Variants in NELL2 observed in about 807,000 individuals in gnomAD.
NELL2 encodes neural EGFL like 2.
Under a neutral mutation model 109.6 loss-of-function variants are expected in NELL2, and 41 were observed. That is an observed-to-expected ratio of 0.37 (90% CI 0.29 to 0.49). The LOEUF is 0.49. NELL2 is among the 20% of genes least tolerant of loss of function. NELL2 has a pLI of 0.98. For synonymous variants in NELL2, 355 were observed against 344.7 expected, an observed-to-expected ratio of 1.03 and a Z score of -0.33; for missense variants, 900 against 1,008.3, an observed-to-expected ratio of 0.89 and a Z score of 1.45.
chr12:44,570,667 C>T (rs1318307240), intron 15 of NELL2, among the ~76,000 whole-genome samples: 41 of 152,200 alleles, frequency 2.7e-4, no homozygotes, highest in Non-Finnish European at 5.9e-5. Flanking sequence ...GGCTCAAAGA[C>T]TTATATCCTG....
intron 2 of NELL2, among the ~76,000 whole-genome samples, chr12:44,822,973 A>G (rs1943593314): frequency 6.6e-6 from 1 of 152,108 alleles, no homozygotes. Context: ...AGAGAGAGAG[A>G]AAGAATCTGA....
intron 9 of NELL2, among the ~76,000 whole-genome samples, chr12:44,744,958 C>G (rs1940239910): frequency 6.6e-6 from 1 of 152,160 alleles, no homozygotes; most frequent in Non-Finnish European, 1.5e-5. Flanking sequence ...TTTTATGAGG[C>G]CAGCATCATC....
intron 2 of NELL2, 92 bp from the exon 3 acceptor site, chr12:44,816,228 G>A (rs1326613930): frequency 9.0e-7 from 1 of 1,110,398 alleles, no homozygotes; most frequent in African/African-American, 1.6e-5. Flanking sequence ...ACTTTATCAA[G>A]TTTATCAGTA....
At chr12:44,704,003 T>C (rs559685111) in intron 11 of NELL2, 149 bp from the exon 12 acceptor site, 13 of 639,008 alleles carry the variant, frequency 2.0e-5, no homozygotes, top group East Asian at 5.9e-5. Flanking sequence ...AAGAATCACA[T>C]GCTATGAGTA....
chr12:44,794,519 T>C (rs938286070), intron 3 of NELL2, among the ~76,000 whole-genome samples: 3 of 152,110 alleles, frequency 2.0e-5, no homozygotes, highest in Non-Finnish European at 2.9e-5. Flanking sequence ...CGGTCAGTTA[T>C]GCTAAGGTCA....
At chr12:44,802,605 ATT>A (rs1942868595) in intron 3 of NELL2, among the ~76,000 whole-genome samples, 2 of 152,096 alleles carry the variant, frequency 1.3e-5, no homozygotes, top group African/African-American at 4.8e-5. Flanking sequence ...AGTATACCTA[ATT>A]ACATTTCAGT....
chr12:44,791,082 C>CAT (rs55697809), intron 3 of NELL2, among the ~76,000 whole-genome samples: 10,219 of 51,928 alleles, frequency 0.2, 1,752 homozygotes, highest in East Asian at 0.48. Context: ...TATATATATA[C>CAT]ATATATATAT....
chr12:44,900,569 A>G (rs751456374), intron 1 of NELL2, among the ~76,000 whole-genome samples: 2 of 152,210 alleles, frequency 1.3e-5, no homozygotes, highest in Non-Finnish European at 2.9e-5. Flanking sequence ...ACCAACGAGA[A>G]TGAAGACACA....
upstream of NELL2, among the ~76,000 whole-genome samples, chr12:44,880,170 T>G: frequency 6.7e-6 from 1 of 150,148 alleles, no homozygotes; most frequent in Admixed American, 6.6e-5. Context: ...AACAGAGAAT[T>G]AGTATCTCAT....
chr12:44,523,056 T>C, intron 17 of NELL2: 1 of 537,266 alleles, frequency 1.9e-6, no homozygotes, highest in Non-Finnish European at 3.3e-6. Flanking sequence ...CTCTAGAAAA[T>C]ACAAATTTAA....
chr12:44,762,869 A>C (rs935925555), intron 9 of NELL2, among the ~76,000 whole-genome samples: 1 of 152,226 alleles, frequency 6.6e-6, no homozygotes, highest in African/African-American at 2.4e-5. Context: ...CTTGACCATT[A>C]CATGATTACA....
intron 8 of NELL2, among the ~76,000 whole-genome samples, chr12:44,775,629 C>T (rs1941728374): frequency 6.6e-6 from 1 of 152,060 alleles, no homozygotes; most frequent in Non-Finnish European, 1.5e-5. Context: ...GCTTATATTG[C>T]TCAATCTGGA....
chr12:44,853,802 T>A (rs1169608152), intron 2 of NELL2, among the ~76,000 whole-genome samples: 1 of 152,188 alleles, frequency 6.6e-6, no homozygotes, highest in Non-Finnish European at 1.5e-5. Flanking sequence ...TTTTATAGTA[T>A]AATTAGCAAT....
chr12:44,579,631 C>T (rs1299304169), intron 15 of NELL2, among the ~76,000 whole-genome samples: 9 of 152,092 alleles, frequency 5.9e-5, no homozygotes, highest in Admixed American at 5.9e-4. Flanking sequence ...AGAAGAATGC[C>T]TACTAAATAT....
chr12:44,816,630 T>G (rs747619003), intron 2 of NELL2, among the ~76,000 whole-genome samples: 2 of 152,226 alleles, frequency 1.3e-5, no homozygotes, highest in Non-Finnish European at 2.9e-5. Flanking sequence ...AGGTTTGCTA[T>G]AAATAGATTT....
intron 3 of NELL2, among the ~76,000 whole-genome samples, chr12:44,790,798 C>T (rs777068226): frequency 1.3e-5 from 2 of 151,628 alleles, no homozygotes; most frequent in Non-Finnish European, 2.9e-5. Context: ...CTCACATAAA[C>T]TTCAAGTAAA....
intron 9 of NELL2, among the ~76,000 whole-genome samples, chr12:44,741,634 A>C (rs1171622060): frequency 6.6e-6 from 1 of 152,234 alleles, no homozygotes; most frequent in Non-Finnish European, 1.5e-5. Flanking sequence ...CAGGCTTAAA[A>C]AATGGCACAC....
intron 12 of NELL2, among the ~76,000 whole-genome samples, chr12:44,674,895 T>C (rs1023063134): frequency 6.6e-6 from 1 of 152,208 alleles, no homozygotes; most frequent in Non-Finnish European, 1.5e-5. Flanking sequence ...TTTTTTAATA[T>C]ATCTGCTAGC....
At chr12:44,851,973 G>T (rs1249451868) in intron 2 of NELL2, 2 of 151,900 alleles carry the variant, frequency 1.3e-5, no homozygotes, top group African/African-American at 4.8e-5. Flanking sequence ...AAGTACATTT[G>T]GTTCTAACTT....
Sources: allele counts gnomAD v4.1 joint callset (sites outside exome capture counted in the v4.1 genomes callset), GRCh38; gene constraint gnomAD v4.1.1; transcripts MANE v1.5; gene names NCBI Gene and HGNC (gene_info 2026-07-23, HGNC 2026-07-21).